PAH: variants seen among roughly 807,000 people sequenced by gnomAD.
PAH encodes the protein phenylalanine hydroxylase, also known as phenylalanine-4-hydroxylase.
Under a neutral mutation model 62.0 loss-of-function variants are expected in PAH, and 64 were observed. The observed-to-expected ratio is 1.03, with a 90% CI of 0.84 to 1.27. The LOEUF (loss-of-function observed/expected upper bound fraction) is 1.27, where lower values mean the gene tolerates loss of function less well. Among genes scored for constraint, PAH ranks in the 50% most tolerant of loss-of-function variants. PAH has a pLI of 0.00. For missense variants in PAH, 579 were observed against 542.8 expected (o/e 1.07, Z -0.66); for synonymous variants, 195 against 196.2 (o/e 0.99, Z 0.05).
chr12:102,921,396 G>T (rs1878547885), upstream of PAH, among the ~76,000 whole-genome samples: 1 of 152,062 alleles, frequency 6.6e-6, no homozygotes. Flanking sequence ...AATAATTTCT[G>T]TTAGCTCTGT....
intron 5 of PAH, among the ~76,000 whole-genome samples, chr12:102,859,340 C>A (rs1361456812): frequency 1.3e-5 from 2 of 152,120 alleles, no homozygotes; most frequent in Non-Finnish European, 2.9e-5. Flanking sequence ...TAATAGCCTA[C>A]CCACCAAAAA....
chr12:102,844,087 A>G (rs1415533509), intron 10 of PAH, among the ~76,000 whole-genome samples: 3 of 152,054 alleles, frequency 2.0e-5, no homozygotes, highest in African/African-American at 4.8e-5. Flanking sequence ...GGCTGCATGC[A>G]TAGGTCAGCC....
At chr12:102,858,471 C>T (rs1047579523) in intron 5 of PAH, among the ~76,000 whole-genome samples, 4 of 152,182 alleles carry the variant, frequency 2.6e-5, no homozygotes, top group Admixed American at 1.3e-4. Context: ...CTGCACCAAG[C>T]GGACCTAACA....
intron 4 of PAH, among the ~76,000 whole-genome samples, chr12:102,871,286 T>C (rs1876303788): frequency 6.6e-6 from 1 of 152,234 alleles, no homozygotes; most frequent in South Asian, 2.1e-4. Flanking sequence ...AGCCCTGTGC[T>C]GACTCACTCT....
intron 1 of PAH, among the ~76,000 whole-genome samples, chr12:102,949,930 C>A (rs1879674372): frequency 1.3e-5 from 2 of 152,154 alleles, no homozygotes; most frequent in African/African-American, 4.8e-5. Flanking sequence ...TGTCTTATTC[C>A]CCTCTGATTA....
intron 1 of PAH, among the ~76,000 whole-genome samples, chr12:102,947,891 T>C (rs1334351212): frequency 2.6e-5 from 4 of 152,160 alleles, no homozygotes; most frequent in African/African-American, 7.2e-5. Context: ...AGTATGAGTC[T>C]GAGTCCAAAG....
intron 2 of PAH, among the ~76,000 whole-genome samples, chr12:102,907,797 T>G (rs1878035874): frequency 6.6e-6 from 1 of 152,056 alleles, no homozygotes. Context: ...TTTTGTATTT[T>G]TAGTAGTGAT....
chr12:102,847,161 C>G, intron 8 of PAH: 1 of 592,856 alleles, frequency 1.7e-6, no homozygotes, highest in Non-Finnish European at 3.0e-6. Flanking sequence ...TCACTTGGCC[C>G]TTTGTTTTCA....
At chr12:102,938,050 A>C (rs973338343) in intron 1 of PAH, among the ~76,000 whole-genome samples, 5 of 152,206 alleles carry the variant, frequency 3.3e-5, no homozygotes, top group East Asian at 1.9e-4. Context: ...GTGAGTAAAC[A>C]CTATAAATTT....
At chr12:102,859,749 G>A (rs1310649278) in intron 5 of PAH, among the ~76,000 whole-genome samples, 2 of 152,162 alleles carry the variant, frequency 1.3e-5, no homozygotes, top group Non-Finnish European at 2.9e-5. Context: ...TAGATGCAGA[G>A]AAGGCCTTTG....
At chr12:102,937,012 G>A (rs550959459) in intron 1 of PAH, among the ~76,000 whole-genome samples, 1 of 152,296 alleles carries the variant, frequency 6.6e-6, no homozygotes, top group Non-Finnish European at 1.5e-5. Context: ...GTTCTCAGGA[G>A]ATCTGATGAT....
intron 1 of PAH, among the ~76,000 whole-genome samples, chr12:102,926,522 A>G (rs939580581): frequency 1.3e-5 from 2 of 151,974 alleles, no homozygotes; most frequent in African/African-American, 4.8e-5. Context: ...AGCTAAAAGT[A>G]TTAGACTGGT....
chr12:102,853,248 A>G, intron 6 of PAH: 1 of 397,100 alleles, frequency 2.5e-6, no homozygotes. Context: ...AGAGCCTAGC[A>G]CATTGGAAAC....
chr12:102,925,497 A>G (rs1878660420), intron 1 of PAH, among the ~76,000 whole-genome samples: 1 of 152,278 alleles, frequency 6.6e-6, no homozygotes, highest in Admixed American at 6.5e-5. Flanking sequence ...ATCAAATCTA[A>G]TCACAACAAT....
intron 5 of PAH, among the ~76,000 whole-genome samples, chr12:102,857,457 C>T (rs538778485): frequency 6.6e-6 from 1 of 152,272 alleles, no homozygotes; most frequent in South Asian, 2.1e-4. Flanking sequence ...CATTCAAATT[C>T]AGGAAATACA....
rs912432829 is a variant in PAH, at chr12:102,896,480, C to T, written c.169-1562G>A. Among the ~76,000 whole-genome samples, 66 of 152,138 alleles carry T rather than the reference C, an allele frequency of 4.3e-4. 2 individuals carry two copies. The highest frequency in any genetic ancestry group is 1.5e-5 in the Non-Finnish European group (1 of 68,036). On this transcript the variant is annotated intron_variant, in intron 2 of 12. Coordinates refer to ENST00000553106, the MANE Select transcript of PAH (RefSeq NM_000277.3). ...AGGCTTAAAAGGACCAGTCTAATTT[C>T]TATGTTGAGAATAAACTTTAAGGGA...
At position 102,852,945 on chromosome 12, in the gene PAH, TGCAAGCTGGGATGAAAA is replaced by T. The variant is rs1555204492; in HGVS notation, c.707-12_711del. 6.2e-7 allele frequency: 1 copy of T among 1,613,956 alleles called. No individual in the cohort carries two copies. ...GCCACAGGTCGGAGGCGGAAACCAG[TGCAAGCTGGGATGAAAA>T]GAAGAAAGAAAACTCAAAGCTCATC... On this transcript the variant is annotated splice_acceptor_variant and splice_polypyrimidine_tract_variant and coding_sequence_variant and intron_variant, in exon 7 of 13. Transcript: ENST00000553106. LOFTEE classifies it high-confidence loss of function.
In PAH at chr12:102,957,199, C is replaced by T. The variant is rs1879942561; in HGVS notation, c.-96+996G>A. ...ACTCCCTCCTCACCTCCACACCGTT[C>T]CTGTGCCATTTTTTCTGCCCAAACC... On this transcript the variant is annotated intron_variant, in intron 1 of 4. Transcript: ENST00000551337. The surrounding 1 kb of genome is among the most constrained non-coding windows in gnomAD (Gnocchi z 4.1). Among the ~76,000 whole-genome samples, 1 of 152,200 alleles carries T rather than the reference C, an allele frequency of 6.6e-6. No individual in the cohort carries two copies. The highest frequency in any genetic ancestry group is 1.9e-4 in the East Asian group (1 of 5,188).
In PAH at chr12:102,889,541, TAGATAGAC is replaced by T. The variant is rs1302235779; in HGVS notation, c.352+5186_352+5193del. Among the ~76,000 whole-genome samples the T allele has an allele frequency of 3.0e-4, 37 of 123,730 alleles. 2 individuals are homozygous for T. Among genetic ancestry groups the T allele is most frequent in the Admixed American group, 2.0e-3 (25 of 12,608 alleles). 81.2% of individuals were successfully genotyped at this position (123,730 alleles called of 152,430 possible). A position where few individuals can be genotyped will look rare whatever the true frequency, so the allele number is the denominator to read the frequency against. On this transcript the variant is annotated intron_variant, in intron 3 of 12. Transcript: ENST00000553106. ...GATGATGGATAGATAGACGGATAGA[TAGATAGAC>T]AGATAGATAGATAGATAGATAGACA...
Sources: allele counts gnomAD v4.1 joint callset (sites outside exome capture counted in the v4.1 genomes callset), GRCh38; gene constraint gnomAD v4.1.1; non-coding constraint Gnocchi (gnomAD v3.1); transcripts MANE v1.5; gene names NCBI Gene and HGNC (gene_info 2026-07-23, HGNC 2026-07-21).